KIF5B: variants seen among roughly 807,000 people sequenced by gnomAD.
KIF5B encodes kinesin-1 heavy chain.
KIF5B carries 49 observed loss-of-function variants against 132.8 expected under a neutral mutation model. That is an observed-to-expected ratio of 0.37 (90% CI 0.29 to 0.47). KIF5B has a LOEUF of 0.47. KIF5B is among the 20% of genes least tolerant of loss of function. The probability of loss-of-function intolerance (pLI) is 1.00; values close to 1 mark genes in which losing one functional copy is unlikely to be tolerated. For synonymous variants in KIF5B, 355 were observed against 369.4 expected, an observed-to-expected ratio of 0.96 and a Z score of 0.45; for missense variants, 780 against 1,144.0, an observed-to-expected ratio of 0.68 and a Z score of 4.59.
intron 2 of KIF5B, among the ~76,000 whole-genome samples, chr10:32,045,345 G>A (rs917633963): frequency 3.9e-5 from 6 of 152,152 alleles, no homozygotes; most frequent in African/African-American, 1.4e-4. Flanking sequence ...CATTGCTTAG[G>A]AAAGACCAGA....
At chr10:32,044,345 C>T (rs184706120) in intron 2 of KIF5B, among the ~76,000 whole-genome samples, 50 of 152,270 alleles carry the variant, frequency 3.3e-4, no homozygotes, top group South Asian at 6.2e-4. Flanking sequence ...AATACAAACA[C>T]GACTGATTGA....
At chr10:32,037,122 G>A (rs939269838) in intron 8 of KIF5B, 132 bp downstream of exon 8, 9 of 731,724 alleles carry the variant, frequency 1.2e-5, no homozygotes, top group Admixed American at 5.6e-5. Flanking sequence ...ACTGGCATCA[G>A]CGGTTACAAA....
At chr10:32,020,079 A>G in intron 19 of KIF5B, 120 bp from the exon 20 acceptor site, 1 of 612,712 alleles carries the variant, frequency 1.6e-6, no homozygotes, top group Non-Finnish European at 2.8e-6. Flanking sequence ...GTTATCCTAT[A>G]CCCTATGGAG....
chr10:32,042,306 A>ATT (rs1841552708), intron 2 of KIF5B, among the ~76,000 whole-genome samples: 1 of 152,226 alleles, frequency 6.6e-6, no homozygotes, highest in Non-Finnish European at 1.5e-5. Flanking sequence ...CCCTGGGAAG[A>ATT]TTTTAAGAGA....
In KIF5B at chr10:32,054,141, C is replaced by T. The variant is rs145209023; in HGVS notation, c.126+1707G>A. ...AAGACATTCTTAAAACAAGTGTAAA[C>T]GGAAAAATAGGTTTGATGTGCCAAC... On this transcript the variant is annotated intron_variant, in intron 1 of 25. Coordinates refer to ENST00000302418, the MANE Select transcript of KIF5B (RefSeq NM_004521.3). Among the ~76,000 whole-genome samples the T allele has an allele frequency of 2.0e-4, 30 of 152,256 alleles. No individual in the cohort carries two copies. The East Asian group carries it at 4.6e-3, about 23-fold the overall frequency.
intron 10 of KIF5B, among the ~76,000 whole-genome samples, chr10:32,035,186 A>G (rs1278387057): frequency 6.6e-6 from 1 of 152,240 alleles, no homozygotes; most frequent in Admixed American, 6.5e-5. Context: ...CATACAGATT[A>G]TATTAACCTG....
intron 14 of KIF5B, 139 bp downstream of exon 14, chr10:32,030,934 A>C (rs1478339883): frequency 1.6e-6 from 1 of 636,170 alleles, no homozygotes; most frequent in Non-Finnish European, 2.7e-6. Flanking sequence ...TACAGAAAGA[A>C]ATGAAGTTGA....
chr10:32,021,404 T>C, intron 17 of KIF5B, 117 bp from the exon 18 acceptor site: 1 of 707,982 alleles, frequency 1.4e-6, no homozygotes, highest in Non-Finnish European at 2.4e-6. Context: ...CAACTTCAAA[T>C]TACCCAAATG....
chr10:32,016,816 G>A (rs1245152141), intron 24 of KIF5B, among the ~76,000 whole-genome samples: 2 of 152,194 alleles, frequency 1.3e-5, no homozygotes, highest in African/African-American at 2.4e-5. Context: ...GATTACAGGC[G>A]TGAGCCGCTG....
At chr10:32,037,709 T>C in intron 6 of KIF5B, 102 bp from the exon 7 acceptor site, 2 of 791,260 alleles carry the variant, frequency 2.5e-6, no homozygotes, top group Non-Finnish European at 4.1e-6. Context: ...GGCGGGTGCC[T>C]GTAATCCTAG....
intron 24 of KIF5B, among the ~76,000 whole-genome samples, chr10:32,016,863 C>T (rs987678454): frequency 1.2e-4 from 18 of 152,346 alleles, no homozygotes; most frequent in African/African-American, 3.6e-4. Flanking sequence ...AACGTTAAAT[C>T]ATTGCTGATG....
At chr10:32,036,131 C>G (rs913141518) in intron 8 of KIF5B, 137 bp from the exon 9 acceptor site, 1 of 515,864 alleles carries the variant, frequency 1.9e-6, no homozygotes. Context: ...TCTTATTTGC[C>G]AAGCATACCA....
chr10:32,025,485 C>T (rs11008733), intron 15 of KIF5B, among the ~76,000 whole-genome samples: 2 of 152,218 alleles, frequency 1.3e-5, no homozygotes, highest in African/African-American at 4.8e-5. Context: ...AAGCAATTCT[C>T]GTGCCTTAGC....
chr10:32,018,142 A>T lies in KIF5B; in HGVS notation c.2454T>A (p.Asp818Glu). 6.2e-7 allele frequency: 1 copy of T among 1,605,892 alleles called. No individual in the cohort carries two copies. The highest frequency in any genetic ancestry group is 2.2e-5 in the East Asian group (1 of 44,848). Residue 818 changes from aspartate to glutamate, a missense_variant, in exon 23 of 26, where the codon GAT (aspartate) becomes GAA (glutamate). Around this residue, in one of 9 missense-constraint regions of KIF5B, gnomAD observed 471 missense variants for 569.9 expected, o/e 0.83. Coordinates refer to ENST00000302418, the MANE Select transcript of KIF5B (RefSeq NM_004521.3). ...ATRVKKSAEIDSDDTGGSAAQ... is the reference protein window; with the variant it reads ...ATRVKKSAEIESDDTGGSAAQ... The stretch of plus-strand genomic sequence containing the variant: ...CAGCGCTGCCTCCGGTGTCATCAGA[A>T]TCAATCTCAGCACTCTGAGAAAAGA...
At chr10:32,045,560 TCA>T (rs749227420) in intron 2 of KIF5B, among the ~76,000 whole-genome samples, 4 of 152,182 alleles carry the variant, frequency 2.6e-5, no homozygotes, top group Non-Finnish European at 5.9e-5. Context: ...GATAAAAATC[TCA>T]CAGCTACTGT....
At chr10:32,050,174 A>G (rs777927221) in intron 1 of KIF5B, among the ~76,000 whole-genome samples, 19 of 152,222 alleles carry the variant, frequency 1.2e-4, no homozygotes, top group Non-Finnish European at 7.3e-5. Context: ...GTCTTAGCTG[A>G]AAAAGACCTA....
At position 32,031,212 on chromosome 10, in the gene KIF5B, T is replaced by C. The variant is rs777879782; in HGVS notation, c.1442A>G (p.Asn481Ser). The change falls in exon 14 of 26, where the codon AAT (asparagine) becomes AGT (serine). Residue 481 changes from asparagine to serine, a missense_variant. Asn to Ser is a conservative substitution (Grantham distance 46). Around this residue, in one of 9 missense-constraint regions of KIF5B, gnomAD observed 471 missense variants for 569.9 expected, o/e 0.83. Transcript: ENST00000302418. Reference protein sequence around the residue: ...QAELNRLQAENDASKEEVKEV... With the variant: ...QAELNRLQAESDASKEEVKEV... ...TTTCACTTCTTCTTTAGAGGCATCA[T>C]TTTCTGCTTGAAGGCGATTCAGCTC... The C allele has an allele frequency of 1.2e-6, 2 of 1,614,078 alleles. No individual in the cohort carries two copies. Among genetic ancestry groups the C allele is most frequent in the East Asian group, 4.5e-5 (2 of 44,858 alleles).
chr10:32,046,511 T>C (rs910560555), intron 2 of KIF5B, among the ~76,000 whole-genome samples: 1 of 152,178 alleles, frequency 6.6e-6, no homozygotes, highest in Non-Finnish European at 1.5e-5. Flanking sequence ...TCAAAGTCTG[T>C]AGCAGATAAT....
intron 15 of KIF5B, among the ~76,000 whole-genome samples, chr10:32,026,311 G>A (rs1370132549): frequency 2.0e-5 from 3 of 151,672 alleles, no homozygotes; most frequent in Admixed American, 6.6e-5. Flanking sequence ...GGTGGCACAC[G>A]CCTGTAATCC....
Sources: gnomAD v4.1 joint callset for allele counts (sites outside exome capture counted in the v4.1 genomes callset) on GRCh38, gnomAD v4.1.1 for gene constraint, gnomAD v4.1.1 regional missense constraint, MANE v1.5 for transcripts, NCBI Gene and HGNC (gene_info 2026-07-23, HGNC 2026-07-21) for gene names.